Variants in SLC24A2 observed in about 807,000 individuals in gnomAD.
SLC24A2 encodes the protein solute carrier family 24 member 2, also known as sodium/potassium/calcium exchanger 2.
Under a neutral mutation model 62.0 loss-of-function variants are expected in SLC24A2, and 36 were observed. The observed-to-expected ratio is 0.58, with a 90% CI of 0.44 to 0.77. The LOEUF is 0.77. Ranked by LOEUF, SLC24A2 falls within the 30% of genes least tolerant of loss-of-function variation. The pLI, the probability that SLC24A2 is intolerant of heterozygous loss-of-function variation, is 0.00. For missense variants in SLC24A2, 846 were observed against 817.9 expected (o/e 1.03, Z -0.42); for synonymous variants, 358 against 294.0 (o/e 1.22, Z -2.23).
the SLC24A2 span, among the ~76,000 whole-genome samples, chr9:20,153,871 A>G: frequency 6.6e-6 from 1 of 151,952 alleles, no homozygotes; most frequent in Non-Finnish European, 1.5e-5. Flanking sequence ...CTATATAAGC[A>G]TGTGTTGCTT....
chr9:19,652,974 G>C (rs2118174169), intron 2 of SLC24A2, among the ~76,000 whole-genome samples: 1 of 151,198 alleles, frequency 6.6e-6, no homozygotes. Flanking sequence ...TTCAATATCT[G>C]CCAAGGAAAA....
the SLC24A2 span, among the ~76,000 whole-genome samples, chr9:20,027,871 C>A: frequency 1.3e-5 from 2 of 152,020 alleles, no homozygotes; most frequent in East Asian, 3.8e-4. Flanking sequence ...ATATATACTT[C>A]AAAACATAAT....
the SLC24A2 span, among the ~76,000 whole-genome samples, chr9:20,123,946 C>A: frequency 6.6e-6 from 1 of 152,106 alleles, no homozygotes; most frequent in South Asian, 2.1e-4. Context: ...AAATACTATA[C>A]CTAACTGTTC....
chr9:19,819,259 T>C, the SLC24A2 span, among the ~76,000 whole-genome samples: 2 of 152,198 alleles, frequency 1.3e-5, no homozygotes, highest in South Asian at 2.1e-4. Flanking sequence ...GAAGATAACA[T>C]TGGAAAAACC....
the SLC24A2 span, among the ~76,000 whole-genome samples, chr9:20,058,256 A>C: frequency 6.6e-6 from 1 of 152,218 alleles, no homozygotes; most frequent in Non-Finnish European, 1.5e-5. Context: ...CTTTCAAGCT[A>C]GACATAATGT....
chr9:19,683,086 G>T (rs1819769545), intron 2 of SLC24A2, among the ~76,000 whole-genome samples: 1 of 152,002 alleles, frequency 6.6e-6, no homozygotes, highest in Non-Finnish European at 1.5e-5. Context: ...AAATTTCAGT[G>T]CAGGGCATTT....
chr9:20,302,827 T>A, the SLC24A2 span, among the ~76,000 whole-genome samples: 1 of 152,366 alleles, frequency 6.6e-6, no homozygotes, highest in African/African-American at 2.4e-5. Flanking sequence ...ACTGTGGGGC[T>A]GAACCAACAT....
intron 7 of SLC24A2, among the ~76,000 whole-genome samples, chr9:19,556,111 C>T (rs1421295357): frequency 1.3e-5 from 2 of 152,206 alleles, no homozygotes; most frequent in Non-Finnish European, 2.9e-5. Flanking sequence ...GGTCACTCAG[C>T]ATCTACTGGA....
the SLC24A2 span, among the ~76,000 whole-genome samples, chr9:20,071,643 G>A: frequency 6.6e-6 from 1 of 152,078 alleles, no homozygotes; most frequent in Non-Finnish European, 1.5e-5. Context: ...CATACCACCA[G>A]AACAATTATC....
At chr9:20,096,223 T>A in the SLC24A2 span, among the ~76,000 whole-genome samples, 1 of 152,224 alleles carries the variant, frequency 6.6e-6, no homozygotes, top group Non-Finnish European at 1.5e-5. Flanking sequence ...AAACTGTTGT[T>A]ATAGAGTATG....
At chr9:20,056,784 G>A in the SLC24A2 span, among the ~76,000 whole-genome samples, 3 of 152,094 alleles carry the variant, frequency 2.0e-5, no homozygotes, top group African/African-American at 7.2e-5. Context: ...GTGGCCACAG[G>A]GCTGCAATCC....
chr9:19,895,632 C>G, the SLC24A2 span, among the ~76,000 whole-genome samples: 1 of 146,220 alleles, frequency 6.8e-6, no homozygotes, highest in African/African-American at 2.5e-5. Flanking sequence ...TCTGTGCTTT[C>G]TGGCAGCCGG....
At chr9:19,552,617 C>A (rs1402715233) in intron 7 of SLC24A2, among the ~76,000 whole-genome samples, 1 of 152,196 alleles carries the variant, frequency 6.6e-6, no homozygotes, top group African/African-American at 2.4e-5. Flanking sequence ...ATGCCTCCCC[C>A]TAGCTCTGTT....
At chr9:19,567,013 G>C (rs1835679215) in intron 7 of SLC24A2, among the ~76,000 whole-genome samples, 1 of 151,496 alleles carries the variant, frequency 6.6e-6, no homozygotes, top group Non-Finnish European at 1.5e-5. Flanking sequence ...AATGTAAATG[G>C]CGAGTTAATG....
chr9:19,640,363 C>T (rs929658258), intron 2 of SLC24A2, among the ~76,000 whole-genome samples: 12 of 152,168 alleles, frequency 7.9e-5, no homozygotes, highest in Admixed American at 7.2e-4. Flanking sequence ...TCTCTCTGTA[C>T]TGCTATAAAA....
the SLC24A2 span, among the ~76,000 whole-genome samples, chr9:20,037,960 TA>T: frequency 6.6e-6 from 1 of 152,154 alleles, no homozygotes; most frequent in East Asian, 1.9e-4. Flanking sequence ...ATGATTACAA[TA>T]TTATCACTTC....
At chr9:20,137,772 C>T in the SLC24A2 span, among the ~76,000 whole-genome samples, 1 of 152,108 alleles carries the variant, frequency 6.6e-6, no homozygotes, top group Non-Finnish European at 1.5e-5. Flanking sequence ...AAGGAGGTTT[C>T]CCCCAATAGC....
the SLC24A2 span, among the ~76,000 whole-genome samples, chr9:20,217,127 G>A: frequency 1.5e-4 from 23 of 152,208 alleles, no homozygotes; most frequent in East Asian, 3.9e-4. Flanking sequence ...GTGGAATACC[G>A]TACAACAATA....
intron 4 of SLC24A2, among the ~76,000 whole-genome samples, chr9:19,612,375 T>G (rs1245605594): frequency 6.6e-6 from 1 of 152,196 alleles, no homozygotes; most frequent in African/African-American, 2.4e-5. Flanking sequence ...GACAGAGGTC[T>G]TGCTATGTTG....
Sources: allele counts gnomAD v4.1 joint callset (sites outside exome capture counted in the v4.1 genomes callset), GRCh38; gene constraint gnomAD v4.1.1; transcripts MANE v1.5; gene names NCBI Gene and HGNC (gene_info 2026-07-23, HGNC 2026-07-21).